NLK: variants seen among roughly 807,000 people sequenced by gnomAD.
NLK encodes the protein serine/threonine-protein kinase NLK.
In NLK, 11 loss-of-function variants were observed where a neutral mutation model predicts 59.0. That is an observed-to-expected ratio of 0.19 (90% CI 0.12 to 0.31). The LOEUF is 0.31. Among genes scored for constraint, NLK ranks in the 10% least tolerant of loss-of-function variants. The pLI, the probability that NLK is intolerant of heterozygous loss-of-function variation, is 1.00. For synonymous variants in NLK, 235 were observed against 235.9 expected (o/e 1.00, Z 0.03); for missense variants, 410 against 661.1 (o/e 0.62, Z 4.16).
At chr17:28,113,876 T>C (rs944431839) in intron 1 of NLK, among the ~76,000 whole-genome samples, 4 of 152,228 alleles carry the variant, frequency 2.6e-5, no homozygotes, top group Non-Finnish European at 4.4e-5. Context: ...TCCTAACTTT[T>C]ATGCTAACTA....
chr17:28,090,549 A>G (rs1904456170), intron 1 of NLK, among the ~76,000 whole-genome samples: 1 of 151,826 alleles, frequency 6.6e-6, no homozygotes, highest in Non-Finnish European at 1.5e-5. Context: ...AAGTCTTTAT[A>G]GCATCTCCAT....
intron 1 of NLK, among the ~76,000 whole-genome samples, chr17:28,099,558 T>C (rs1412062454): frequency 6.6e-6 from 1 of 151,188 alleles, no homozygotes; most frequent in African/African-American, 2.4e-5. Flanking sequence ...AAATAGTCTT[T>C]TGTGTTTGAC....
chr17:28,046,001 T>C (rs1909039377), intron 1 of NLK, among the ~76,000 whole-genome samples: 1 of 152,230 alleles, frequency 6.6e-6, no homozygotes, highest in South Asian at 2.1e-4. Flanking sequence ...ATTCATTTAA[T>C]GCACTTTGCA....
At chr17:28,065,717 A>G (rs1909802695) in intron 1 of NLK, among the ~76,000 whole-genome samples, 1 of 152,220 alleles carries the variant, frequency 6.6e-6, no homozygotes, top group Non-Finnish European at 1.5e-5. Flanking sequence ...AGTGATAAAT[A>G]AAAACATTTC....
At chr17:28,184,030 GC>G (rs1439029290) in intron 7 of NLK, among the ~76,000 whole-genome samples, 1 of 152,202 alleles carries the variant, frequency 6.6e-6, no homozygotes, top group Non-Finnish European at 1.5e-5. Context: ...TGAAATGGAA[GC>G]TTTATAAGCT....
intron 6 of NLK, among the ~76,000 whole-genome samples, chr17:28,169,911 A>G (rs1908396674): frequency 6.6e-6 from 1 of 151,902 alleles, no homozygotes; most frequent in Non-Finnish European, 1.5e-5. Flanking sequence ...CCTTTGTGAA[A>G]CTTTTACATG....
chr17:28,204,145 T>C, the NLK span, among the ~76,000 whole-genome samples: 1 of 152,222 alleles, frequency 6.6e-6, no homozygotes, highest in Non-Finnish European at 1.5e-5. Context: ...GTATTTCTTA[T>C]ATTTGACAGA....
chr17:28,111,896 G>GTGTGGGGTGT (rs1394476582), intron 1 of NLK, among the ~76,000 whole-genome samples: 3 of 67,484 alleles, frequency 4.4e-5, no homozygotes, highest in Non-Finnish European at 8.2e-5. Context: ...GTGTGTGTGT[G>GTGTGGGGTGT]GTGTGTGTGT....
Position 28,114,388 on chromosome 17 carries a change from T to C in NLK, c.459-8215T>C, listed in dbSNP as rs538739858. On this transcript the variant is annotated intron_variant, in intron 1 of 10. Coordinates refer to ENST00000407008, the MANE Select transcript of NLK (RefSeq NM_016231.5). ...ATAAGAATTTCCATTGCACTTCATC[T>C]CAACAAAACATTTGCTATTGTTAGA... 7.9e-5 allele frequency among the ~76,000 whole-genome samples: 12 copies of C among 152,308 alleles called. No homozygotes were observed. The East Asian group carries it at 2.1e-3, about 27-fold the overall frequency.
chr17:28,085,535 T>A (rs1910484844), intron 1 of NLK, among the ~76,000 whole-genome samples: 1 of 151,294 alleles, frequency 6.6e-6, no homozygotes, highest in Non-Finnish European at 1.5e-5. Flanking sequence ...AGGCCAAGAG[T>A]TCAAGACAAG....
chr17:28,198,131 A>T (rs1330568846), downstream of NLK, among the ~76,000 whole-genome samples: 2 of 152,162 alleles, frequency 1.3e-5, no homozygotes, highest in Non-Finnish European at 2.9e-5. Flanking sequence ...GGTACATGGC[A>T]CATATGTTTG....
downstream of NLK, among the ~76,000 whole-genome samples, chr17:28,199,696 A>AAAAAAAAAAAAAAAC (rs1567745805): frequency 9.6e-5 from 2 of 20,904 alleles, no homozygotes; most frequent in African/African-American, 3.6e-4. Context: ...AAAACAAAAC[A>AAAAAAAAAAAAAAAC]AAAAAAAAAA....
At chr17:28,139,988 G>T (rs1031055961) in intron 3 of NLK, among the ~76,000 whole-genome samples, 1 of 152,208 alleles carries the variant, frequency 6.6e-6, no homozygotes, top group Non-Finnish European at 1.5e-5. Flanking sequence ...AAACGATAAG[G>T]AAACTGTGTG....
intron 3 of NLK, among the ~76,000 whole-genome samples, chr17:28,155,473 A>G (rs1597714100): frequency 6.6e-6 from 1 of 152,198 alleles, no homozygotes; most frequent in African/African-American, 2.4e-5. Flanking sequence ...ATAAAGACAT[A>G]TGCACACGTA....
At chr17:28,061,562 A>C (rs1909637176) in intron 1 of NLK, among the ~76,000 whole-genome samples, 1 of 152,024 alleles carries the variant, frequency 6.6e-6, no homozygotes, top group Non-Finnish European at 1.5e-5. Flanking sequence ...GGCTAATGAG[A>C]GTCTGTTATT....
chr17:28,187,119 C>T (rs1299009556), intron 8 of NLK, among the ~76,000 whole-genome samples: 1 of 152,100 alleles, frequency 6.6e-6, no homozygotes, highest in Non-Finnish European at 1.5e-5. Context: ...TTCTGTCTGA[C>T]CATAGAGGAT....
In NLK at chr17:28,191,535, A is replaced by G. The variant is rs1909307779; in HGVS notation, c.1435+316A>G. ...ACGTATTGAACTTTATATAACATACAAAGTTCCATAAAGGATAAACATTCA... is the reference window on the plus strand; with the variant it reads ...ACGTATTGAACTTTATATAACATACGAAGTTCCATAAAGGATAAACATTCA... On this transcript the variant is annotated intron_variant, in intron 9 of 10. Coordinates refer to ENST00000407008, the MANE Select transcript of NLK (RefSeq NM_016231.5). Among the ~76,000 whole-genome samples the G allele has an allele frequency of 2.0e-5, 3 of 152,342 alleles. No individual in the cohort carries two copies. In the South Asian group the frequency reaches 6.2e-4, roughly 32 times the overall value.
chr17:28,078,687 A>G (rs1459294656), intron 1 of NLK, among the ~76,000 whole-genome samples: 1 of 152,158 alleles, frequency 6.6e-6, no homozygotes, highest in Non-Finnish European at 1.5e-5. Flanking sequence ...TAGTGTGCCT[A>G]GTACAGTGCC....
chr17:28,057,252 A>G (rs1025814774), intron 1 of NLK, among the ~76,000 whole-genome samples: 3 of 151,910 alleles, frequency 2.0e-5, no homozygotes, highest in South Asian at 4.2e-4. Flanking sequence ...ACCACGCCCA[A>G]CTGCATTACC....
Sources: gnomAD v4.1 joint callset for allele counts (sites outside exome capture counted in the v4.1 genomes callset) on GRCh38, gnomAD v4.1.1 for gene constraint, MANE v1.5 for transcripts, NCBI Gene and HGNC (gene_info 2026-07-23, HGNC 2026-07-21) for gene names.